TADA1: variants seen among roughly 807,000 people sequenced by gnomAD.
The protein encoded by TADA1 is transcriptional adaptor 1.
A neutral mutation model predicts 39.3 loss-of-function variants in TADA1; 23 were observed. The observed-to-expected ratio is 0.58, with a 90% confidence interval of 0.42 to 0.83. The LOEUF (loss-of-function observed/expected upper bound fraction) is 0.83, where lower values mean the gene tolerates loss of function less well. Among genes scored for constraint, TADA1 ranks in the 40% least tolerant of loss-of-function variants. The pLI, the probability that TADA1 is intolerant of heterozygous loss-of-function variation, is 0.00. For synonymous variants in TADA1, 137 were observed against 151.8 expected, an observed-to-expected ratio of 0.90 and a Z score of 0.72; for missense variants, 352 against 408.1, an observed-to-expected ratio of 0.86 and a Z score of 1.18.
chr1:166,862,519 C>T, intron 4 of TADA1, 107 bp from the exon 5 acceptor site: 2 of 844,630 alleles, frequency 2.4e-6, no homozygotes, highest in Non-Finnish European at 3.8e-6. Flanking sequence ...GCCACCAAAA[C>T]TATACCACAG....
At chr1:166,858,350 G>T in intron 6 of TADA1, 69 bp from the exon 7 acceptor site, 2 of 1,213,746 alleles carry the variant, frequency 1.6e-6, no homozygotes, top group Non-Finnish European at 2.2e-6. Context: ...GGAGTGGCCT[G>T]CTAGAATCTT....
chr1:166,858,009 G>T, intron 7 of TADA1, 110 bp downstream of exon 7: 1 of 1,385,350 alleles, frequency 7.2e-7, no homozygotes, highest in South Asian at 1.3e-5. Flanking sequence ...AGACAAAACT[G>T]AAAAACACAA....
intron 7 of TADA1, among the ~76,000 whole-genome samples, 154 bp from the exon 8 acceptor site, chr1:166,857,873 TAAC>T (rs753176599): frequency 1.3e-5 from 2 of 152,160 alleles, no homozygotes; most frequent in Admixed American, 1.3e-4. Flanking sequence ...AATAAGGAAA[TAAC>T]AAGCTTCTGA....
chr1:166,866,723 A>G (rs1658542825), intron 3 of TADA1, among the ~76,000 whole-genome samples: 1 of 151,458 alleles, frequency 6.6e-6, no homozygotes, highest in African/African-American at 2.4e-5. Context: ...CCACTTCAAC[A>G]TTTGTTTGGC....
chr1:166,864,216 A>G (rs1374308714), intron 3 of TADA1, among the ~76,000 whole-genome samples: 2 of 152,170 alleles, frequency 1.3e-5, no homozygotes, highest in Admixed American at 6.5e-5. Flanking sequence ...TAGATGTAGG[A>G]CAGAATTTGC....
chr1:166,858,309 C>T lies in TADA1; in HGVS notation c.693-28G>A, dbSNP rs1013117895. 1.9e-5 allele frequency: 28 copies of T among 1,505,476 alleles called. No individual in the cohort carries two copies. The Middle Eastern group carries it at 7.1e-4, about 38-fold the overall frequency. The allele number at this position is 1,505,476 out of a possible 1,614,324, so 93.3% of individuals were successfully genotyped here. A position where few individuals can be genotyped will look rare whatever the true frequency, so the allele number is the denominator to read the frequency against. ...GAAAATAAAAATTTCAGAAATAGTC[C>T]CAGCACAGAGACAACTGAGCAACAA... On this transcript the variant is annotated intron_variant, in intron 6 of 7. Coordinates refer to ENST00000367874, the MANE Select transcript of TADA1 (RefSeq NM_053053.4).
chr1:166,869,670 C>A, intron 2 of TADA1, 93 bp downstream of exon 2: 1 of 1,498,812 alleles, frequency 6.7e-7, no homozygotes, highest in South Asian at 1.2e-5. Context: ...CACCACAAAA[C>A]CAAAATTTTA....
chr1:166,856,904 CAT>C lies in TADA1; in HGVS notation c.*661_*662del, dbSNP rs1238862181. 4 of 152,262 alleles carry C rather than the reference CAT, an allele frequency of 2.6e-5. No individual in the cohort carries two copies. Among genetic ancestry groups the C allele is most frequent in the African/African-American group, 9.7e-5 (4 of 41,448 alleles). The allele number at this position is 152,262 out of a possible 1,614,324, so 9.4% of individuals were successfully genotyped here. On this transcript the variant is annotated 3_prime_UTR_variant, in exon 8 of 8. Coordinates refer to ENST00000367874, the MANE Select transcript of TADA1 (RefSeq NM_053053.4). ...TAACAAAACTTGAGTCATGGGAAGA[CAT>C]AAAGTTAATTAATTGCATTACAAGA...
chr1:166,867,262 G>T lies in TADA1; in HGVS notation c.232+2183C>A, dbSNP rs551906727. Among the ~76,000 whole-genome samples the T allele has an allele frequency of 4.6e-5, 7 of 152,262 alleles. No homozygotes were observed. In the East Asian group the frequency reaches 1.2e-3, roughly 25 times the overall value. Reference sequence around the variant, plus strand: ...ATCACTCCATTTATCTTTGGCATATGTGGCAATTTACAATATGCTTCCCTA... The same window carrying T: ...ATCACTCCATTTATCTTTGGCATATTTGGCAATTTACAATATGCTTCCCTA... On this transcript the variant is annotated intron_variant, in intron 3 of 7. Coordinates refer to ENST00000367874, the MANE Select transcript of TADA1 (RefSeq NM_053053.4).
intron 1 of TADA1, among the ~76,000 whole-genome samples, chr1:166,872,337 A>G (rs993628639): frequency 2.6e-5 from 4 of 152,166 alleles, no homozygotes; most frequent in African/African-American, 9.7e-5. Context: ...GGTTGTTTAA[A>G]AAGAGCCTGG....
At chr1:166,871,597 C>T (rs1393842678) in intron 1 of TADA1, among the ~76,000 whole-genome samples, 2 of 152,130 alleles carry the variant, frequency 1.3e-5, no homozygotes, top group Admixed American at 6.5e-5. Flanking sequence ...CCAAAACCCA[C>T]GACACTGCCA....
intron 6 of TADA1, among the ~76,000 whole-genome samples, chr1:166,859,723 T>C (rs1333516023): frequency 1.3e-5 from 2 of 151,928 alleles, no homozygotes; most frequent in Non-Finnish European, 2.9e-5. Flanking sequence ...GACCACTATC[T>C]TGAGCTATGC....
intron 3 of TADA1, chr1:166,869,109 T>A (rs942538391): frequency 3.1e-6 from 1 of 323,900 alleles, no homozygotes; most frequent in African/African-American, 2.2e-5. Flanking sequence ...TCAAATTGCA[T>A]AGCTCATTTG....
intron 3 of TADA1, among the ~76,000 whole-genome samples, chr1:166,865,227 G>A (rs1658503615): frequency 6.6e-6 from 1 of 152,160 alleles, no homozygotes. Flanking sequence ...ATTAAAGAAT[G>A]CATTCAACAG....
chr1:166,864,307 T>C (rs1258947386), intron 3 of TADA1, among the ~76,000 whole-genome samples: 1 of 152,168 alleles, frequency 6.6e-6, no homozygotes, highest in Non-Finnish European at 1.5e-5. Flanking sequence ...GGAAGGTAAA[T>C]GGCACACTTG....
In TADA1 at chr1:166,876,151, A is replaced by T. The variant is rs773383157; in HGVS notation, c.74+9T>A. The T allele has an allele frequency of 2.3e-5, 37 of 1,611,758 alleles. No individual in the cohort carries two copies. The highest frequency in any genetic ancestry group is 2.8e-5 in the Non-Finnish European group (33 of 1,179,098). On this transcript the variant is annotated intron_variant, in intron 1 of 7. Transcript: ENST00000367874. ...GTTGGCCTGGACGCTGTGCTAGGGC[A>T]GCTCTTACTGTTTCACGTTGTCCCC...
rs902481738 is a variant in TADA1, at chr1:166,860,264, T to C, written c.614A>G (p.Lys205Arg). The C allele has an allele frequency of 5.6e-6, 9 of 1,614,054 alleles. No homozygotes were observed. Among genetic ancestry groups the C allele is most frequent in the Non-Finnish European group, 7.6e-6 (9 of 1,180,026 alleles). ...GGTCACGTTACTGCCAAAGGCATAT[T>C]TAAAATGACCATCTCGTAACCGATA... ...KAYRLRDGHF[K>R]YAFGSNVTPQ... The change falls in exon 6 of 8, where the codon AAA (lysine) becomes AGA (arginine). Residue 205 changes from lysine to arginine, a missense_variant. Lys to Arg is a conservative substitution (Grantham distance 26, BLOSUM62 2). Around this residue, in one of 3 missense-constraint regions of TADA1, gnomAD observed 285 missense variants for 310.9 expected, o/e 0.92. Transcript: ENST00000367874.
intron 3 of TADA1, among the ~76,000 whole-genome samples, chr1:166,867,938 C>T (rs1658572402): frequency 6.6e-6 from 1 of 152,090 alleles, no homozygotes; most frequent in Non-Finnish European, 1.5e-5. Flanking sequence ...AAATACCAGC[C>T]ATTTATAGAT....
At chr1:166,867,678 A>C (rs1033754989) in intron 3 of TADA1, among the ~76,000 whole-genome samples, 2 of 151,566 alleles carry the variant, frequency 1.3e-5, no homozygotes, top group African/African-American at 4.9e-5. Flanking sequence ...GGTTCAAGCG[A>C]TTCTCATGCC....
Sources: gnomAD v4.1 joint callset for allele counts (sites outside exome capture counted in the v4.1 genomes callset) on GRCh38, gnomAD v4.1.1 for gene constraint, gnomAD v4.1.1 regional missense constraint, MANE v1.5 for transcripts, NCBI Gene and HGNC (gene_info 2026-07-23, HGNC 2026-07-21) for gene names.